SRGAP3: variants seen among roughly 807,000 people sequenced by gnomAD.
SRGAP3 encodes SLIT-ROBO Rho GTPase activating protein 3, also known as SLIT-ROBO Rho GTPase-activating protein 3.
Under a neutral mutation model 121.1 loss-of-function variants are expected in SRGAP3, and 39 were observed. The ratio of observed to expected loss-of-function variants is 0.32; its 90% confidence interval spans 0.25 to 0.42. SRGAP3 has a LOEUF of 0.42. SRGAP3 is among the 10% of genes least tolerant of loss of function. SRGAP3 has a pLI of 1.00. For missense variants in SRGAP3, 1,213 were observed against 1,470.6 expected, an observed-to-expected ratio of 0.82 and a Z score of 2.86; for synonymous variants, 601 against 570.0, an observed-to-expected ratio of 1.05 and a Z score of -0.77.
chr3:9,339,842 T>C (rs1187261616), intron 1 of SRGAP3, among the ~76,000 whole-genome samples: 2 of 152,330 alleles, frequency 1.3e-5, no homozygotes, highest in Non-Finnish European at 1.5e-5. Context: ...GGAAGGCTAA[T>C]GGACCCTCAG....
At chr3:9,154,605 G>A (rs765582783) in intron 1 of SRGAP3, among the ~76,000 whole-genome samples, 5 of 152,150 alleles carry the variant, frequency 3.3e-5, no homozygotes, top group African/African-American at 7.2e-5. Flanking sequence ...TCCTGTTCAC[G>A]TGATAGAAAC....
intron 3 of SRGAP3, among the ~76,000 whole-genome samples, chr3:9,276,233 C>A (rs1353767753): frequency 6.6e-6 from 1 of 152,138 alleles, no homozygotes; most frequent in Non-Finnish European, 1.5e-5. Context: ...GGGTTCCTGG[C>A]TTAACAGAAA....
intron 2 of SRGAP3, among the ~76,000 whole-genome samples, chr3:9,110,343 A>T (rs1456834985): frequency 6.6e-6 from 1 of 152,208 alleles, no homozygotes; most frequent in Non-Finnish European, 1.5e-5. Context: ...GACGAGTCTA[A>T]AAGGCTGTGG....
At chr3:9,206,278 C>T (rs977329052) in intron 1 of SRGAP3, among the ~76,000 whole-genome samples, 5 of 152,206 alleles carry the variant, frequency 3.3e-5, no homozygotes, top group Admixed American at 3.3e-4. Context: ...AAAACAGGTA[C>T]TGTATTATCC....
At chr3:9,237,527 G>T (rs1473031317) in intron 1 of SRGAP3, among the ~76,000 whole-genome samples, 1 of 152,234 alleles carries the variant, frequency 6.6e-6, no homozygotes, top group Non-Finnish European at 1.5e-5. Context: ...GAGAGTTGCT[G>T]TTCGGCTACT....
chr3:9,080,967 T>A (rs1486459610), intron 3 of SRGAP3, among the ~76,000 whole-genome samples: 1 of 152,126 alleles, frequency 6.6e-6, no homozygotes, highest in Non-Finnish European at 1.5e-5. Context: ...ACAATAAATA[T>A]AATGTGCTTC....
rs890157613 is a variant in SRGAP3, at chr3:9,218,387, G to C, written c.67+30498C>G. 4 of 152,182 alleles carry C rather than the reference G, an allele frequency of 2.6e-5. No individual in the cohort carries two copies. The highest frequency in any genetic ancestry group is 9.7e-5 in the African/African-American group (4 of 41,440). The allele number at this position is 152,182 out of a possible 1,614,324, so 9.4% of individuals were successfully genotyped here. On this transcript the variant is annotated intron_variant, in intron 1 of 21. Coordinates refer to ENST00000383836, the MANE Select transcript of SRGAP3 (RefSeq NM_014850.4). The surrounding 1 kb of genome is among the most constrained non-coding windows in gnomAD (Gnocchi z 5.3). Reference sequence around the variant, plus strand: ...CCTAAAGCATGATGGCAGAATCTAAGCATAAACGCTTAGCAGAGAAAATAA... The same window carrying C: ...CCTAAAGCATGATGGCAGAATCTAACCATAAACGCTTAGCAGAGAAAATAA...
intron 1 of SRGAP3, among the ~76,000 whole-genome samples, chr3:9,131,742 G>GT (rs1260949410): frequency 6.6e-6 from 1 of 151,872 alleles, no homozygotes; most frequent in East Asian, 1.9e-4. Flanking sequence ...GCACCCGGCC[G>GT]TAAGAACTAA....
At chr3:9,319,287 T>C (rs1955402255) in intron 3 of SRGAP3, among the ~76,000 whole-genome samples, 1 of 151,798 alleles carries the variant, frequency 6.6e-6, no homozygotes, top group African/African-American at 2.4e-5. Flanking sequence ...CCTTAGCTTG[T>C]CCTCCAAAAG....
At position 9,265,015 on chromosome 3, in the gene SRGAP3, T is replaced by C. The variant is rs1324606952; in HGVS notation, n.442+60995A>G. Among the ~76,000 whole-genome samples, 3 of 152,198 alleles carry C rather than the reference T, an allele frequency of 2.0e-5. No individual in the cohort carries two copies. The South Asian group carries it at 6.2e-4, about 32-fold the overall frequency. The stretch of plus-strand genomic sequence containing the variant: ...TAACCAAAACAGCATGGTACTGGTA[T>C]CAAAACAGATATATAGACCAATGGA... On this transcript the variant is annotated intron_variant and non_coding_transcript_variant, in intron 3 of 3. Coordinates refer to the SRGAP3 transcript ENST00000490889.
intron 1 of SRGAP3, among the ~76,000 whole-genome samples, chr3:9,166,743 T>C (rs1368728109): frequency 6.6e-6 from 1 of 152,170 alleles, no homozygotes; most frequent in Non-Finnish European, 1.5e-5. Flanking sequence ...AAATGTAAAC[T>C]TGGCTGCCAG....
intron 10 of SRGAP3, among the ~76,000 whole-genome samples, chr3:9,038,540 T>C (rs901756724): frequency 7.9e-5 from 12 of 152,244 alleles, no homozygotes; most frequent in Non-Finnish European, 1.8e-4. Flanking sequence ...GCAACAAAGA[T>C]TGACCGAGCC....
intron 1 of SRGAP3, among the ~76,000 whole-genome samples, chr3:9,126,244 A>G (rs1440412544): frequency 6.6e-6 from 1 of 152,190 alleles, no homozygotes; most frequent in Non-Finnish European, 1.5e-5. Context: ...TCTTTACAGG[A>G]AAAAGAGCAA....
intron 1 of SRGAP3, among the ~76,000 whole-genome samples, chr3:9,137,380 A>G (rs975986033): frequency 1.2e-4 from 19 of 152,210 alleles, no homozygotes; most frequent in Admixed American, 3.3e-4. Context: ...GGGAACACAT[A>G]TGCTGGGAAG....
At chr3:9,095,141 C>T (rs976530338) in intron 3 of SRGAP3, among the ~76,000 whole-genome samples, 3 of 151,940 alleles carry the variant, frequency 2.0e-5, no homozygotes, top group African/African-American at 7.3e-5. Context: ...GGTTGTTTTT[C>T]CTTTTCTTAT....
At chr3:9,071,012 T>C (rs1575023030) in intron 4 of SRGAP3, among the ~76,000 whole-genome samples, 1 of 152,076 alleles carries the variant, frequency 6.6e-6, no homozygotes, top group South Asian at 2.1e-4. Flanking sequence ...AGCTGTTAGC[T>C]GGGTGAGCAG....
intron 1 of SRGAP3, among the ~76,000 whole-genome samples, chr3:9,342,399 G>A (rs1343812547): frequency 6.6e-6 from 1 of 151,874 alleles, no homozygotes; most frequent in African/African-American, 2.4e-5. Context: ...TATTTCATGA[G>A]AATCAAAATG....
At chr3:9,165,559 C>T (rs1950756862) in intron 1 of SRGAP3, among the ~76,000 whole-genome samples, 1 of 152,306 alleles carries the variant, frequency 6.6e-6, no homozygotes, top group African/African-American at 2.4e-5. Flanking sequence ...GTTCTGATCA[C>T]GTCACCCCTC....
chr3:9,194,040 T>C (rs1441203654), intron 1 of SRGAP3: 1 of 152,274 alleles, frequency 6.6e-6, no homozygotes, highest in African/African-American at 2.4e-5. Context: ...CATTTGCCTA[T>C]TCAACAGTTA....
Sources: gnomAD v4.1 joint callset for allele counts (sites outside exome capture counted in the v4.1 genomes callset) on GRCh38, gnomAD v4.1.1 for gene constraint, Gnocchi (gnomAD v3.1) non-coding constraint, MANE v1.5 for transcripts, NCBI Gene and HGNC (gene_info 2026-07-23, HGNC 2026-07-21) for gene names.